PTK2: variants seen among roughly 807,000 people sequenced by gnomAD.
The protein encoded by PTK2 is protein tyrosine kinase 2.
Under a neutral mutation model 150.1 loss-of-function variants are expected in PTK2, and 45 were observed. The observed-to-expected ratio is 0.30, with a 90% confidence interval of 0.24 to 0.38. The LOEUF (loss-of-function observed/expected upper bound fraction) is 0.38, where lower values mean the gene tolerates loss of function less well. Among genes scored for constraint, PTK2 ranks in the 10% least tolerant of loss-of-function variants. PTK2 has a pLI of 1.00. For synonymous variants in PTK2, 432 were observed against 449.2 expected, an observed-to-expected ratio of 0.96 and a Z score of 0.48; for missense variants, 919 against 1,307.3, an observed-to-expected ratio of 0.70 and a Z score of 4.58.
intron 22 of PTK2, chr8:140,718,535 C>T (rs1317943848): frequency 2.0e-5 from 3 of 152,334 alleles, no homozygotes; most frequent in South Asian, 4.1e-4. Context: ...ACAGCTCTTC[C>T]TACATTCCTA....
intron 2 of PTK2, 64 bp from the exon 3 acceptor site, chr8:140,890,833 ATGT>A: frequency 2.9e-6 from 4 of 1,364,482 alleles, no homozygotes; most frequent in Non-Finnish European, 4.1e-6. Flanking sequence ...ACAATGTGAT[ATGT>A]TGTTTATATC....
intron 1 of PTK2, among the ~76,000 whole-genome samples, chr8:140,996,872 T>A (rs1477563460): frequency 6.6e-6 from 1 of 152,210 alleles, no homozygotes; most frequent in African/African-American, 2.4e-5. Flanking sequence ...AGCCCATAGA[T>A]TAAGAAGACA....
intron 1 of PTK2, among the ~76,000 whole-genome samples, chr8:140,970,485 A>G (rs1375446481): frequency 6.6e-6 from 1 of 152,260 alleles, no homozygotes; most frequent in African/African-American, 2.4e-5. Flanking sequence ...TCCAGGCCAA[A>G]AAACAATGGA....
intron 2 of PTK2, among the ~76,000 whole-genome samples, chr8:140,915,257 G>A (rs947555378): frequency 4.6e-5 from 7 of 152,010 alleles, no homozygotes; most frequent in Non-Finnish European, 1.0e-4. Flanking sequence ...GCAGGAGGAT[G>A]AGTCCATTTT....
At position 140,739,123 on chromosome 8, in the gene PTK2, T is replaced by C. The variant is rs1353579763; in HGVS notation, c.1736-16A>G. Reference sequence around the variant, plus strand: ...CCTTTGGAAGCTAGAAGATTAATTTTAGAAAATAAATTTTCCTTGTTATCT... The same window carrying C: ...CCTTTGGAAGCTAGAAGATTAATTTCAGAAAATAAATTTTCCTTGTTATCT... On this transcript the variant is annotated splice_polypyrimidine_tract_variant and intron_variant, in intron 20 of 31. Coordinates refer to ENST00000522684, the Ensembl canonical transcript of PTK2. The C allele has an allele frequency of 1.3e-6, 2 of 1,497,748 alleles. No homozygotes were observed. The highest frequency in any genetic ancestry group is 2.7e-5 in the South Asian group (2 of 75,386). The allele number at this position is 1,497,748 out of a possible 1,614,324, so 92.8% of individuals were successfully genotyped here.
At chr8:140,676,105 A>G (rs2100013475) in intron 27 of PTK2, among the ~76,000 whole-genome samples, 1 of 152,236 alleles carries the variant, frequency 6.6e-6, no homozygotes, top group Admixed American at 6.5e-5. Flanking sequence ...GGCTGGGCAC[A>G]GTGGCTCATG....
chr8:140,817,085 G>A (rs927070799), intron 10 of PTK2, among the ~76,000 whole-genome samples: 1 of 152,240 alleles, frequency 6.6e-6, no homozygotes, highest in East Asian at 1.9e-4. Flanking sequence ...AGGGAGGAAG[G>A]GGCAAAGAAA....
intron 7 of PTK2, among the ~76,000 whole-genome samples, chr8:140,832,142 C>T (rs562377345): frequency 7.7e-4 from 117 of 152,348 alleles, no homozygotes; most frequent in African/African-American, 2.6e-3. Context: ...CACCCTCTGC[C>T]TCCCAGGCTT....
At chr8:140,734,421 C>T (rs989537909) in intron 22 of PTK2, among the ~76,000 whole-genome samples, 1 of 152,130 alleles carries the variant, frequency 6.6e-6, no homozygotes, top group Non-Finnish European at 1.5e-5. Context: ...TTATATGGTG[C>T]CAGGTTCTAA....
At chr8:140,700,169 C>T (rs1438207884) in intron 26 of PTK2, among the ~76,000 whole-genome samples, 3 of 152,102 alleles carry the variant, frequency 2.0e-5, no homozygotes, top group Admixed American at 2.0e-4. Context: ...TTAAAAAATA[C>T]TGAATTCTGA....
At chr8:140,791,702 T>A (rs1185972250) in intron 13 of PTK2, among the ~76,000 whole-genome samples, 1 of 152,088 alleles carries the variant, frequency 6.6e-6, no homozygotes, top group Non-Finnish European at 1.5e-5. Context: ...CAGGAAGTGA[T>A]GTAGAATGCG....
chr8:140,986,356 T>C (rs1171611037), intron 1 of PTK2, among the ~76,000 whole-genome samples: 2 of 152,234 alleles, frequency 1.3e-5, no homozygotes. Flanking sequence ...AGCAATGTTA[T>C]TTGGTCCAAC....
intron 14 of PTK2, among the ~76,000 whole-genome samples, chr8:140,781,312 T>G (rs1303590814): frequency 6.6e-6 from 1 of 152,236 alleles, no homozygotes; most frequent in Non-Finnish European, 1.5e-5. Flanking sequence ...TTAAAAAGAT[T>G]GAGAAGTTTA....
In PTK2 at chr8:140,820,076, GTTTTTTTTTTTTTTTTTTTTTTT is replaced by G. The variant is rs370537018; in HGVS notation, c.649-1079_649-1057del. Among the ~76,000 whole-genome samples the G allele has an allele frequency of 9.9e-3, 497 of 50,270 alleles. 8 individuals carry two copies. Among genetic ancestry groups the G allele is most frequent in the Non-Finnish European group, 0.016 (390 of 23,978 alleles). 33.0% of individuals were successfully genotyped at this position (50,270 alleles called of 152,430 possible). ...AGAGGAGTGACTTTATCTGACTTTG[GTTTTTTTTTTTTTTTTTTTTTTT>G]TTTTTTTTTTTTTTTTTTTAAATAG... On this transcript the variant is annotated intron_variant, in intron 8 of 31. Transcript: ENST00000522684.
At chr8:140,708,945 G>A (rs1256486045) in intron 23 of PTK2, among the ~76,000 whole-genome samples, 2 of 146,596 alleles carry the variant, frequency 1.4e-5, no homozygotes, top group Middle Eastern at 3.5e-3. Context: ...GTTGCACAGT[G>A]ATGTACTCTT....
At position 140,770,983 on chromosome 8, in the gene PTK2, A is replaced by G; in HGVS notation, c.1178-6693T>C. 3 of 200,832 alleles carry G rather than the reference A, an allele frequency of 1.5e-5. 1 individual carries two copies. The South Asian group carries it at 2.5e-4, about 17-fold the overall frequency. The allele number at this position is 200,832 out of a possible 1,614,324, so 12.4% of individuals were successfully genotyped here. A position where few individuals can be genotyped will look rare whatever the true frequency, so the allele number is the denominator to read the frequency against. On this transcript the variant is annotated intron_variant, in intron 14 of 31. Transcript: ENST00000522684. ...TGACTTGAGTTTTAAAAAACATACT[A>G]ATATTTTTAAATTTAATTTCCTGTA...
chr8:140,751,134 G>A (rs1436977940), intron 17 of PTK2, among the ~76,000 whole-genome samples: 1 of 151,972 alleles, frequency 6.6e-6, no homozygotes, highest in Admixed American at 6.6e-5. Context: ...CGTCAGAAGA[G>A]TCCTTTCCTG....
chr8:140,927,964 A>G (rs1310230281), intron 1 of PTK2, among the ~76,000 whole-genome samples: 7 of 83,618 alleles, frequency 8.4e-5, no homozygotes, highest in Admixed American at 4.5e-4. Context: ...AAAAGAAAAA[A>G]AAAAAAAAAA....
chr8:140,900,671 G>A lies in PTK2; in HGVS notation c.-32-9902C>T, dbSNP rs1293318401. ...CGGGAGGTGGGGGATGCAGTGAGCC[G>A]AGATCGTGCCACTGCATTCCAGCCT... is the stretch of plus-strand genomic sequence containing the variant. On this transcript the variant is annotated intron_variant, in intron 2 of 31. Transcript: ENST00000522684. 4.0e-5 allele frequency among the ~76,000 whole-genome samples: 6 copies of A among 151,884 alleles called. No individual in the cohort carries two copies. The East Asian group carries it at 9.7e-4, about 25-fold the overall frequency.
Sources: gnomAD v4.1 joint callset for allele counts (sites outside exome capture counted in the v4.1 genomes callset) on GRCh38, gnomAD v4.1.1 for gene constraint, MANE v1.5 for transcripts, NCBI Gene and HGNC (gene_info 2026-07-23, HGNC 2026-07-21) for gene names.